The following NTN1 variants were observed in gnomAD, a reference collection of about 807,000 sequenced individuals.
NTN1 encodes the protein netrin 1.
Under a neutral mutation model 54.2 loss-of-function variants are expected in NTN1, and 11 were observed. That is an observed-to-expected ratio of 0.20 (90% CI 0.13 to 0.34). The LOEUF is 0.34. Among genes scored for constraint, NTN1 ranks in the 10% least tolerant of loss-of-function variants. The probability of loss-of-function intolerance (pLI) is 1.00; values close to 1 mark genes in which losing one functional copy is unlikely to be tolerated. For synonymous variants in NTN1, 371 were observed against 382.0 expected (o/e 0.97, Z 0.33); for missense variants, 740 against 893.1 (o/e 0.83, Z 2.18).
At chr17:9,053,269 T>C (rs1313451927) in intron 2 of NTN1, among the ~76,000 whole-genome samples, 1 of 152,194 alleles carries the variant, frequency 6.6e-6, no homozygotes, top group Non-Finnish European at 1.5e-5. Context: ...TTGTTGACCC[T>C]TCTCCTAAGC....
intron 5 of NTN1, among the ~76,000 whole-genome samples, chr17:9,196,723 A>G (rs12450397): frequency 0.44 from 66,335 of 152,012 alleles, 15,680 homozygotes; most frequent in Middle Eastern, 0.56. Flanking sequence ...AGAGTGTGAC[A>G]AGTGTCATTT....
intron 5 of NTN1, among the ~76,000 whole-genome samples, chr17:9,189,636 C>T (rs968281046): frequency 5.3e-5 from 8 of 151,986 alleles, no homozygotes; most frequent in Non-Finnish European, 1.0e-4. Context: ...AGGGGTGAGC[C>T]ACCATGCCCA....
chr17:9,004,489 C>T, the NTN1 span, among the ~76,000 whole-genome samples: 1 of 152,264 alleles, frequency 6.6e-6, no homozygotes, highest in South Asian at 2.1e-4. Context: ...CCTTTGATCC[C>T]TTCTGGATCC....
At chr17:9,204,282 CTA>C (rs1473473708) in intron 5 of NTN1, among the ~76,000 whole-genome samples, 2 of 131,382 alleles carry the variant, frequency 1.5e-5, no homozygotes, top group Non-Finnish European at 3.4e-5. Flanking sequence ...CTCTCTTTCT[CTA>C]TCTCTTTCTC....
At chr17:9,168,368 A>C (rs1245158208) in intron 3 of NTN1, among the ~76,000 whole-genome samples, 3 of 152,174 alleles carry the variant, frequency 2.0e-5, no homozygotes, top group Non-Finnish European at 4.4e-5. Context: ...CCCTGTCTCT[A>C]CTAAAAATAC....
chr17:9,031,188 TG>T (rs2091887341), intron 2 of NTN1, among the ~76,000 whole-genome samples: 1 of 152,204 alleles, frequency 6.6e-6, no homozygotes, highest in Non-Finnish European at 1.5e-5. Context: ...TTTAAATAAC[TG>T]AGTCCTATGT....
chr17:9,135,683 G>A lies in NTN1; in HGVS notation c.1019-27130G>A, dbSNP rs1160913083. Among the ~76,000 whole-genome samples, 1 of 152,220 alleles carries A rather than the reference G, an allele frequency of 6.6e-6. No homozygotes were observed. Among genetic ancestry groups the A allele is most frequent in the Non-Finnish European group, 1.5e-5 (1 of 68,042 alleles). On this transcript the variant is annotated intron_variant, in intron 2 of 6. Transcript: ENST00000173229. This position sits in a 1 kb window ranked among gnomAD's most constrained non-coding sequence, Gnocchi z 4.4. ...ACTGGACTCTTACTTCTTCTAAGCT[G>A]TTGTCTCATCTCCAGGTTGAGGTTC...
At chr17:9,118,395 G>A (rs920528427) in intron 2 of NTN1, among the ~76,000 whole-genome samples, 5 of 152,198 alleles carry the variant, frequency 3.3e-5, no homozygotes, top group Non-Finnish European at 5.9e-5. Context: ...GTGCGCACCT[G>A]TAGTCCCAGC....
At chr17:9,090,177 C>A (rs1351634517) in intron 2 of NTN1, among the ~76,000 whole-genome samples, 4 of 147,208 alleles carry the variant, frequency 2.7e-5, no homozygotes, top group African/African-American at 7.5e-5. Flanking sequence ...TTTTTTTTTT[C>A]TTTTTCTTTT....
At chr17:9,230,707 G>A (rs988536762) in intron 6 of NTN1, among the ~76,000 whole-genome samples, 8 of 152,146 alleles carry the variant, frequency 5.3e-5, no homozygotes, top group African/African-American at 1.4e-4. Flanking sequence ...CCAGCACAGC[G>A]ACTTGCCATC....
rs1270100154 is a variant in NTN1 at position 9,089,823 on chromosome 17, A to G, written c.1018+66432A>G. On this transcript the variant is annotated intron_variant, in intron 2 of 6. Transcript: ENST00000173229. ...TTGGGGGTTTCATCTCTCTTTTACA[A>G]CCTGGCTCCTGCTACCGACCTCCTG... Among the ~76,000 whole-genome samples, 5 of 152,062 alleles carry G rather than the reference A, an allele frequency of 3.3e-5. No individual in the cohort carries two copies. The East Asian group carries it at 9.7e-4, about 29-fold the overall frequency.
intron 6 of NTN1, among the ~76,000 whole-genome samples, chr17:9,225,796 A>G (rs1388420990): frequency 6.6e-6 from 1 of 152,188 alleles, no homozygotes; most frequent in Non-Finnish European, 1.5e-5. Flanking sequence ...GCAGGGGGCC[A>G]ATTAGGAAAC....
At position 9,022,559 on chromosome 17, in the gene NTN1, G is replaced by A. The variant is rs756628226; in HGVS notation, c.186G>A (p.Lys62=). ...ACTTTGTCAATGCGGCCTTCGGCAA[G>A]GACGTGCGCGTGTCCAGCACCTGCG... ...IPDFVNAAFG[K]DVRVSSTCGR... The change falls in exon 2 of 7, where the codon AAG becomes AAA. Residue 62 remains lysine, a synonymous_variant. Transcript: ENST00000173229. 3.2e-6 allele frequency: 5 copies of A among 1,548,292 alleles called. No homozygotes were observed. Among genetic ancestry groups the A allele is most frequent in the East Asian group, 4.8e-5 (2 of 41,262 alleles).
chr17:9,087,499 T>A (rs143466152), intron 2 of NTN1, among the ~76,000 whole-genome samples: 1 of 152,186 alleles, frequency 6.6e-6, no homozygotes, highest in Non-Finnish European at 1.5e-5. Context: ...GTGATTGGCT[T>A]GTGCTGTAGG....
chr17:9,219,656 C>T lies in NTN1; in HGVS notation c.1412-1512C>T, dbSNP rs1489376737. ...AGCCCTGGAGAGGTCTCCCTGAACA[C>T]TCCCTGCAGATCTAAGTCCTGGGTT... On this transcript the variant is annotated intron_variant, in intron 5 of 6. Transcript: ENST00000173229. The surrounding 1 kb of genome is among the most constrained non-coding windows in gnomAD (Gnocchi z 4.5). Among the ~76,000 whole-genome samples, 1 of 152,254 alleles carries T rather than the reference C, an allele frequency of 6.6e-6. No homozygotes were observed. The highest frequency in any genetic ancestry group is 2.4e-5 in the African/African-American group (1 of 41,472).
chr17:9,162,474 CTTCCTA>C (rs1347164672), intron 2 of NTN1, among the ~76,000 whole-genome samples: 1 of 152,230 alleles, frequency 6.6e-6, no homozygotes, highest in Non-Finnish European at 1.5e-5. Flanking sequence ...CTCATCTCCT[CTTCCTA>C]CAACGACACA....
At chr17:9,161,178 A>G (rs1394505764) in intron 2 of NTN1, among the ~76,000 whole-genome samples, 2 of 151,954 alleles carry the variant, frequency 1.3e-5, no homozygotes. Flanking sequence ...CTGGGTGCCC[A>G]CGCCAGGCTG....
intron 2 of NTN1, among the ~76,000 whole-genome samples, chr17:9,060,522 A>G (rs1032933579): frequency 6.6e-6 from 1 of 152,264 alleles, no homozygotes. Flanking sequence ...TCAGAGGTCA[A>G]CTGTGAATTT....
chr17:9,221,054 T>G lies in NTN1; in HGVS notation c.1412-114T>G. 1.2e-6 allele frequency: 1 copy of G among 815,326 alleles called. No individual in the cohort carries two copies. The highest frequency in any genetic ancestry group is 1.8e-5 in the Admixed American group (1 of 56,474). The allele number at this position is 815,326 out of a possible 1,614,324, so 50.5% of individuals were successfully genotyped here. A position where few individuals can be genotyped will look rare whatever the true frequency, so the allele number is the denominator to read the frequency against. ...CCGCCTGCCCGCCCGGCCTGGCCCA[T>G]GGGTATCACAGGCCTCTGGCTATTT... On this transcript the variant is annotated intron_variant, in intron 5 of 6. Transcript: ENST00000173229. This position sits in a 1 kb window ranked among gnomAD's most constrained non-coding sequence, Gnocchi z 4.5.
Sources: allele counts gnomAD v4.1 joint callset (sites outside exome capture counted in the v4.1 genomes callset), GRCh38; gene constraint gnomAD v4.1.1; non-coding constraint Gnocchi (gnomAD v3.1); transcripts MANE v1.5; gene names NCBI Gene and HGNC (gene_info 2026-07-23, HGNC 2026-07-21).